The following SEC24D variants were observed in gnomAD, a reference collection of about 807,000 sequenced individuals.
SEC24D encodes protein transport protein Sec24D.
In SEC24D, 69 loss-of-function variants were observed where a neutral mutation model predicts 116.9. That is an observed-to-expected ratio of 0.59 (90% CI 0.49 to 0.72). The LOEUF is 0.72. SEC24D is among the 30% of genes least tolerant of loss of function. The pLI is 0.00. For synonymous variants in SEC24D, 405 were observed against 442.8 expected (o/e 0.91, Z 1.07); for missense variants, 1,131 against 1,264.1 (o/e 0.89, Z 1.60).
chr4:118,835,736 A>G (rs1407976233), intron 1 of SEC24D, among the ~76,000 whole-genome samples: 1 of 152,086 alleles, frequency 6.6e-6, no homozygotes, highest in African/African-American at 2.4e-5. Context: ...GCCCACGCCC[A>G]CCTCCTGCTC....
intron 3 of SEC24D, among the ~76,000 whole-genome samples, chr4:118,818,333 C>G (rs1161501521): frequency 6.6e-6 from 1 of 152,160 alleles, no homozygotes; most frequent in East Asian, 1.9e-4. Context: ...CTTCTGCCCC[C>G]TACTGCCATT....
intron 8 of SEC24D, among the ~76,000 whole-genome samples, chr4:118,781,279 C>G (rs141494388): frequency 0.04 from 6,091 of 152,124 alleles, 182 homozygotes; most frequent in Non-Finnish European, 0.063. Context: ...TTAGGGCAGG[C>G]CTGGTGGTGA....
intron 8 of SEC24D, among the ~76,000 whole-genome samples, chr4:118,796,626 C>T (rs1264853122): frequency 6.6e-6 from 1 of 152,320 alleles, no homozygotes; most frequent in Middle Eastern, 3.4e-3. Flanking sequence ...TCTCTTTTCT[C>T]TCTTCTTTCC....
chr4:118,728,827 C>T, intron 21 of SEC24D, 177 bp from the exon 22 acceptor site: 1 of 517,414 alleles, frequency 1.9e-6, no homozygotes, highest in African/African-American at 1.9e-5. Context: ...GCACCCATTC[C>T]CATAATTGAC....
chr4:118,751,613 T>TGACTG (rs1726839566), intron 13 of SEC24D, among the ~76,000 whole-genome samples: 1 of 152,212 alleles, frequency 6.6e-6, no homozygotes, highest in Non-Finnish European at 1.5e-5. Flanking sequence ...TCTCTGTCAC[T>TGACTG]GACTGTGACA....
chr4:118,804,101 T>G (rs1560727355), intron 7 of SEC24D, among the ~76,000 whole-genome samples: 1 of 152,136 alleles, frequency 6.6e-6, no homozygotes, highest in Non-Finnish European at 1.5e-5. Flanking sequence ...CACAATAAAA[T>G]TTAATGTGAT....
At chr4:118,776,097 G>GA (rs577687142) in intron 8 of SEC24D, among the ~76,000 whole-genome samples, 94 of 145,438 alleles carry the variant, frequency 6.5e-4, no homozygotes, top group Middle Eastern at 3.4e-3. Flanking sequence ...TTAGGGAGGG[G>GA]AAAACTGAAG....
intron 15 of SEC24D, among the ~76,000 whole-genome samples, chr4:118,741,412 CT>C (rs1367943885): frequency 6.6e-6 from 1 of 152,106 alleles, no homozygotes; most frequent in Non-Finnish European, 1.5e-5. Context: ...GCAATTGGGG[CT>C]TTTTAAGTCT....
chr4:118,808,324 G>A (rs1440840068), intron 6 of SEC24D, among the ~76,000 whole-genome samples: 1 of 152,104 alleles, frequency 6.6e-6, no homozygotes, highest in East Asian at 1.9e-4. Flanking sequence ...AGTCAAATAT[G>A]AAAGTGAGGT....
At chr4:118,725,987 A>G (rs544933479) in intron 22 of SEC24D, among the ~76,000 whole-genome samples, 224 of 152,304 alleles carry the variant, frequency 1.5e-3, no homozygotes, top group Middle Eastern at 6.8e-3. Flanking sequence ...GGATGGCCCT[A>G]TAGAGTAGGA....
chr4:118,738,547 A>G (rs1332605649), intron 18 of SEC24D, among the ~76,000 whole-genome samples, 168 bp from the exon 19 acceptor site: 1 of 152,204 alleles, frequency 6.6e-6, no homozygotes, highest in African/African-American at 2.4e-5. Flanking sequence ...TTGACTAAAT[A>G]TGATGATCTA....
chr4:118,816,768 G>A, intron 4 of SEC24D: 1 of 454,868 alleles, frequency 2.2e-6, no homozygotes, highest in Non-Finnish European at 4.4e-6. Context: ...TTCTGTTGAT[G>A]TAAATCTCAG....
Position 118,768,223 on chromosome 4 carries a change from A to G in SEC24D, c.1130T>C (p.Ile377Thr). ...KAYMCPFMQF[I>T]EGGRRYQCGF... is the part of the protein sequence containing the mutation. The stretch of plus-strand genomic sequence containing the variant: ...ACACTGATATCTCCTTCCTCCTTCG[A>G]TGAACTGCATAAATGGGCACATGTA... Residue 377 changes from isoleucine to threonine, a missense_variant, in exon 9 of 23, where the codon ATC (isoleucine) becomes ACC (threonine). Coordinates refer to ENST00000280551, the MANE Select transcript of SEC24D (RefSeq NM_014822.4). 6.2e-7 allele frequency: 1 copy of G among 1,613,934 alleles called. No homozygotes were observed. Among genetic ancestry groups the G allele is most frequent in the Non-Finnish European group, 8.5e-7 (1 of 1,179,866 alleles).
Position 118,731,354 on chromosome 4 carries a change from A to AT in SEC24D, c.2829dup (p.Phe944IlefsTer2). The AT allele has an allele frequency of 6.2e-7, 1 of 1,614,142 alleles. No homozygotes were observed. The highest frequency in any genetic ancestry group is 8.5e-7 in the Non-Finnish European group (1 of 1,179,966). On this transcript the variant is annotated frameshift_variant, in exon 21 of 23. Coordinates refer to ENST00000280551, the MANE Select transcript of SEC24D (RefSeq NM_014822.4). LOFTEE classifies it high-confidence loss of function. ...ATATGTGCAAAAGATGGCACATTAA[A>AT]TATTCCTTGGATCAGTTCTGGTGGG...
At chr4:118,746,816 A>G (rs1726561996) in intron 13 of SEC24D, among the ~76,000 whole-genome samples, 1 of 151,970 alleles carries the variant, frequency 6.6e-6, no homozygotes, top group South Asian at 2.1e-4. Flanking sequence ...CTTAAAAACA[A>G]AGAGAGAGAA....
At chr4:118,817,088 G>A (rs985795336) in intron 4 of SEC24D, among the ~76,000 whole-genome samples, 176 bp downstream of exon 4, 4 of 152,110 alleles carry the variant, frequency 2.6e-5, no homozygotes, top group African/African-American at 9.7e-5. Context: ...GCATGATCAA[G>A]AAAACAATTA....
chr4:118,793,693 C>A (rs1443458634), intron 8 of SEC24D, among the ~76,000 whole-genome samples: 1 of 152,114 alleles, frequency 6.6e-6, no homozygotes, highest in Non-Finnish European at 1.5e-5. Context: ...TATTTTTTGA[C>A]TTCTAAGTCT....
Position 118,803,928 on chromosome 4 carries a change from T to G in SEC24D, c.913+1915A>C, listed in dbSNP as rs1729558563. ...GCTATAATAATAATGTTAATTTGTATATTTTTATTATATTATTAACCTCAG... is the reference window on the plus strand; with the variant it reads ...GCTATAATAATAATGTTAATTTGTAGATTTTTATTATATTATTAACCTCAG... On this transcript the variant is annotated intron_variant, in intron 7 of 22. Coordinates refer to ENST00000280551, the MANE Select transcript of SEC24D (RefSeq NM_014822.4). Among the ~76,000 whole-genome samples the G allele has an allele frequency of 2.6e-5, 4 of 151,332 alleles. No homozygotes were observed. The South Asian group carries it at 8.3e-4, about 31-fold the overall frequency.
At chr4:118,831,877 TAGA>T (rs1478060245) in intron 2 of SEC24D, among the ~76,000 whole-genome samples, 2 of 152,132 alleles carry the variant, frequency 1.3e-5, no homozygotes, top group Non-Finnish European at 2.9e-5. Flanking sequence ...AAGAGTCATG[TAGA>T]AGAATTCCTT....
Sources: allele counts gnomAD v4.1 joint callset (sites outside exome capture counted in the v4.1 genomes callset), GRCh38; gene constraint gnomAD v4.1.1; transcripts MANE v1.5; gene names NCBI Gene and HGNC (gene_info 2026-07-23, HGNC 2026-07-21).